Variants in PLXNA4 observed in about 807,000 individuals in gnomAD.
PLXNA4 encodes the protein plexin A4.
PLXNA4 carries 44 observed loss-of-function variants against 191.8 expected under a neutral mutation model. The observed-to-expected ratio is 0.23, with a 90% CI of 0.18 to 0.29. The LOEUF (loss-of-function observed/expected upper bound fraction) is 0.29. Among genes scored for constraint, PLXNA4 ranks in the 10% least tolerant of loss-of-function variants. The pLI is 1.00. For missense variants in PLXNA4, 1,800 were observed against 2,488.8 expected, an observed-to-expected ratio of 0.72 and a Z score of 5.89; for synonymous variants, 1,082 against 1,009.5, an observed-to-expected ratio of 1.07 and a Z score of -1.36.
At chr7:132,532,585 C>G (rs548576802) in intron 1 of PLXNA4, among the ~76,000 whole-genome samples, 15 of 152,318 alleles carry the variant, frequency 9.8e-5, no homozygotes, top group African/African-American at 3.6e-4. Flanking sequence ...ATTACCATCA[C>G]CTGTAATGTT....
chr7:132,353,740 A>G (rs543724647), intron 3 of PLXNA4, among the ~76,000 whole-genome samples: 14 of 152,230 alleles, frequency 9.2e-5, no homozygotes, highest in African/African-American at 3.4e-4. Flanking sequence ...TCTATGGTTG[A>G]GAGGCAGAGA....
At chr7:132,611,769 C>T (rs988855418) in intron 2 of PLXNA4, among the ~76,000 whole-genome samples, 5 of 152,186 alleles carry the variant, frequency 3.3e-5, no homozygotes, top group Admixed American at 1.3e-4. Flanking sequence ...GGGCCCTGGA[C>T]CTTCAGCCTT....
intron 3 of PLXNA4, among the ~76,000 whole-genome samples, chr7:132,433,229 T>C (rs1391476443): frequency 2.0e-5 from 3 of 152,226 alleles, no homozygotes; most frequent in African/African-American, 7.2e-5. Context: ...CTCACCGCTT[T>C]TGACAACTCT....
At chr7:132,519,348 C>T (rs1799074836) in intron 1 of PLXNA4, among the ~76,000 whole-genome samples, 2 of 152,234 alleles carry the variant, frequency 1.3e-5, no homozygotes, top group South Asian at 2.1e-4. Context: ...GACCCAATGG[C>T]CTCTGAGTGC....
At chr7:132,485,852 C>G (rs765132709) in intron 3 of PLXNA4, among the ~76,000 whole-genome samples, 1 of 152,186 alleles carries the variant, frequency 6.6e-6, no homozygotes, top group East Asian at 1.9e-4. Flanking sequence ...CCTTTCCCCC[C>G]GCTTCATGTG....
At chr7:132,502,654 C>A (rs1798302889) in intron 2 of PLXNA4, among the ~76,000 whole-genome samples, 2 of 152,102 alleles carry the variant, frequency 1.3e-5, no homozygotes, top group African/African-American at 4.8e-5. Flanking sequence ...GGGAAGAGCA[C>A]CAAGCTGAGA....
chr7:132,409,114 A>C (rs1361451297), intron 3 of PLXNA4, among the ~76,000 whole-genome samples: 1 of 152,162 alleles, frequency 6.6e-6, no homozygotes, highest in Non-Finnish European at 1.5e-5. Flanking sequence ...TCAGAGAAAA[A>C]TGCTGACTTG....
chr7:132,597,268 C>A lies in PLXNA4; in HGVS notation c.-87+48660G>T, dbSNP rs75278309. ...TATTTCTGTTCATGCCGGTCTCCCC[C>A]AATAGTTTGTTGTCTTCTCTATAAG... On this transcript the variant is annotated intron_variant, in intron 2 of 4. Coordinates refer to the PLXNA4 transcript ENST00000378539. Among the ~76,000 whole-genome samples, 919 of 152,282 alleles carry A rather than the reference C, an allele frequency of 6.0e-3. 9 individuals are homozygous for A. Among genetic ancestry groups the A allele is most frequent in the African/African-American group, 0.021 (891 of 41,568 alleles).
intron 3 of PLXNA4, among the ~76,000 whole-genome samples, chr7:132,341,243 G>A (rs567604134): frequency 4.6e-5 from 7 of 152,072 alleles, no homozygotes; most frequent in South Asian, 2.1e-4. Flanking sequence ...CAACATGAAG[G>A]GTTTTCTCCA....
intron 3 of PLXNA4, among the ~76,000 whole-genome samples, chr7:132,413,788 T>C (rs1794557442): frequency 6.6e-6 from 1 of 152,140 alleles, no homozygotes; most frequent in Admixed American, 6.5e-5. Context: ...GGAATCTACA[T>C]AGAGATGATG....
rs1368158333 is a variant in PLXNA4 at position 132,128,577 on chromosome 7, A to T, written c.*1902T>A. ...AAAAATCCTCCTACAAAGGACAAGAAATCCTTTTGAGCTTTCCGCCTACAC... is the reference window on the plus strand; with the variant it reads ...AAAAATCCTCCTACAAAGGACAAGATATCCTTTTGAGCTTTCCGCCTACAC... On this transcript the variant is annotated 3_prime_UTR_variant, in exon 32 of 32. Coordinates refer to ENST00000321063, the MANE Select transcript of PLXNA4 (RefSeq NM_020911.2). The T allele has an allele frequency of 3.3e-5, 5 of 152,208 alleles. No homozygotes were observed. In the South Asian group the frequency reaches 1.0e-3, roughly 32 times the overall value. 9.4% of individuals were successfully genotyped at this position (152,208 alleles called of 1,614,324 possible).
chr7:132,424,519 G>C (rs561834850), intron 3 of PLXNA4, among the ~76,000 whole-genome samples: 1 of 152,210 alleles, frequency 6.6e-6, no homozygotes, highest in South Asian at 2.1e-4. Context: ...CAAGTCAGGA[G>C]GTCAGTAGAA....
At chr7:132,501,190 G>A (rs997892112) in intron 2 of PLXNA4, among the ~76,000 whole-genome samples, 6 of 152,220 alleles carry the variant, frequency 3.9e-5, no homozygotes, top group African/African-American at 1.4e-4. Context: ...GGGAGACAGA[G>A]AAAGGCTAAG....
At chr7:132,555,315 G>A (rs745805248) in intron 1 of PLXNA4, among the ~76,000 whole-genome samples, 12 of 152,124 alleles carry the variant, frequency 7.9e-5, no homozygotes, top group Non-Finnish European at 1.6e-4. Context: ...TTAATGCAAT[G>A]GGACCAGCCA....
At chr7:132,315,751 TTGTTAGGAGGAA>T (rs1160004715) in intron 3 of PLXNA4, among the ~76,000 whole-genome samples, 3 of 152,082 alleles carry the variant, frequency 2.0e-5, no homozygotes, top group Non-Finnish European at 4.4e-5. Flanking sequence ...TGTGAGCTGA[TTGTTAGGAGGAA>T]TATGATTCAA....
intron 2 of PLXNA4, among the ~76,000 whole-genome samples, chr7:132,593,897 G>C (rs149482905): frequency 1.0e-3 from 158 of 152,358 alleles, no homozygotes; most frequent in African/African-American, 3.6e-3. Context: ...GCTGAGAAAA[G>C]TGTGCCTGGG....
At chr7:132,409,375 AC>A (rs1361934205) in intron 3 of PLXNA4, among the ~76,000 whole-genome samples, 2 of 152,056 alleles carry the variant, frequency 1.3e-5, no homozygotes, top group East Asian at 3.9e-4. Context: ...TCTTCCCTTG[AC>A]CAAACTCCAT....
chr7:132,180,060 G>A, intron 19 of PLXNA4, 139 bp from the exon 20 acceptor site: 2 of 1,401,630 alleles, frequency 1.4e-6, no homozygotes, highest in Non-Finnish European at 1.9e-6. Context: ...TAGACAAGAG[G>A]GCATGGGGGG....
chr7:132,271,519 A>G (rs928867796), intron 4 of PLXNA4, among the ~76,000 whole-genome samples: 1 of 152,106 alleles, frequency 6.6e-6, no homozygotes, highest in African/African-American at 2.4e-5. Context: ...TGGGAAAGCA[A>G]CAAAGGAAAT....
Sources: allele counts gnomAD v4.1 joint callset (sites outside exome capture counted in the v4.1 genomes callset), GRCh38; gene constraint gnomAD v4.1.1; transcripts MANE v1.5; gene names NCBI Gene and HGNC (gene_info 2026-07-23, HGNC 2026-07-21).